DCDC1: variants seen among roughly 807,000 people sequenced by gnomAD.
DCDC1 encodes doublecortin domain containing 1.
Under a neutral mutation model 178.3 loss-of-function variants are expected in DCDC1, and 200 were observed. The ratio of observed to expected loss-of-function variants is 1.12; its 90% confidence interval spans 1.00 to 1.26. DCDC1 has a LOEUF of 1.26. Ranked by LOEUF, DCDC1 falls within the 50% of genes most tolerant of loss-of-function variation. DCDC1 has a pLI of 0.00. For missense variants in DCDC1, 1,983 were observed against 1,749.2 expected (o/e 1.13, Z -2.38); for synonymous variants, 690 against 604.8 (o/e 1.14, Z -2.07).
At chr11:30,944,846 TAC>T (rs1022502316) in intron 21 of DCDC1, among the ~76,000 whole-genome samples, 4 of 152,058 alleles carry the variant, frequency 2.6e-5, no homozygotes, top group African/African-American at 9.7e-5. Context: ...GTAATTTATC[TAC>T]TCCACACAAA....
intron 27 of DCDC1, among the ~76,000 whole-genome samples, chr11:30,913,454 T>A (rs1007088310): frequency 2.6e-5 from 4 of 152,062 alleles, no homozygotes; most frequent in African/African-American, 7.2e-5. Context: ...TGTCTGGGTG[T>A]CCCTAGAGGG....
intron 1 of DCDC1, among the ~76,000 whole-genome samples, chr11:31,365,114 C>G (rs1591875123): frequency 6.6e-6 from 1 of 152,116 alleles, no homozygotes; most frequent in African/African-American, 2.4e-5. Flanking sequence ...ATAAACTAAG[C>G]TTTTGACAGG....
chr11:31,253,337 T>C (rs1157572063), intron 8 of DCDC1, among the ~76,000 whole-genome samples: 2 of 151,814 alleles, frequency 1.3e-5, no homozygotes, highest in East Asian at 1.9e-4. Context: ...CCATCGTAGA[T>C]ATTAGGAGAG....
In DCDC1 at chr11:31,213,188, G is replaced by C. The variant is rs147860598; in HGVS notation, c.1221+28262C>G. Among the ~76,000 whole-genome samples the C allele has an allele frequency of 5.1e-3, 652 of 126,738 alleles. 6 individuals are homozygous for C. The highest frequency in any genetic ancestry group is 0.019 in the African/African-American group (610 of 32,522). The allele number at this position is 126,738 out of a possible 152,430, so 83.1% of individuals were successfully genotyped here. A position where few individuals can be genotyped will look rare whatever the true frequency, so the allele number is the denominator to read the frequency against. ...GCTTTCTTTACCAGGGCAGTGGTTT[G>C]CTGTCCTCCAAGAAAGGCATGTGGC... On this transcript the variant is annotated intron_variant, in intron 9 of 38. Transcript: ENST00000684477.
intron 20 of DCDC1, among the ~76,000 whole-genome samples, chr11:31,037,708 C>T (rs1267116185): frequency 6.6e-6 from 1 of 152,044 alleles, no homozygotes; most frequent in Admixed American, 6.5e-5. Context: ...CGTGATCCAC[C>T]CGCCTCGGCC....
At chr11:31,229,679 C>T (rs180743529) in intron 9 of DCDC1, among the ~76,000 whole-genome samples, 383 of 152,058 alleles carry the variant, frequency 2.5e-3, no homozygotes, top group Non-Finnish European at 4.4e-3. Flanking sequence ...GGCCAATGAC[C>T]AATTGGCATT....
intron 20 of DCDC1, among the ~76,000 whole-genome samples, chr11:31,053,983 A>C (rs1565225714): frequency 6.6e-6 from 1 of 152,172 alleles, no homozygotes; most frequent in Non-Finnish European, 1.5e-5. Flanking sequence ...GCAATCAGAC[A>C]AGAGAAATAA....
intron 20 of DCDC1, among the ~76,000 whole-genome samples, chr11:31,006,052 C>A (rs959346075): frequency 1.3e-5 from 2 of 149,816 alleles, no homozygotes. Context: ...GTTTCCATTT[C>A]AACCCTACAT....
intron 20 of DCDC1, among the ~76,000 whole-genome samples, chr11:31,060,313 T>C (rs1474429012): frequency 5.3e-5 from 8 of 152,206 alleles, no homozygotes; most frequent in African/African-American, 1.7e-4. Context: ...ATTTTATAAA[T>C]GAAGCTTTCA....
intron 36 of DCDC1, among the ~76,000 whole-genome samples, chr11:30,884,172 T>A (rs1477163723): frequency 6.6e-6 from 1 of 151,714 alleles, no homozygotes; most frequent in Non-Finnish European, 1.5e-5. Flanking sequence ...TATCTGGGAC[T>A]ACAGGCGTGC....
At chr11:31,140,468 A>AT (rs1963685335) in intron 9 of DCDC1, among the ~76,000 whole-genome samples, 1 of 152,214 alleles carries the variant, frequency 6.6e-6, no homozygotes, top group African/African-American at 2.4e-5. Flanking sequence ...CAAGCTAAAC[A>AT]GGAAGGTTTC....
chr11:31,220,977 A>C (rs953215721), intron 9 of DCDC1, among the ~76,000 whole-genome samples: 2 of 152,052 alleles, frequency 1.3e-5, no homozygotes, highest in African/African-American at 4.8e-5. Flanking sequence ...TCAAGGGCCT[A>C]CTCTTATGAC....
chr11:31,106,783 C>A lies in DCDC1; in HGVS notation c.1751+14G>T. Reference sequence around the variant, plus strand: ...GGAAAGATTGAGGACAGAAAACAAACCCCTTGCTCCTACCTGTATGCTCTA... The same window carrying A: ...GGAAAGATTGAGGACAGAAAACAAAACCCTTGCTCCTACCTGTATGCTCTA... On this transcript the variant is annotated intron_variant, in intron 13 of 38. Coordinates refer to ENST00000684477, the MANE Select transcript of DCDC1 (RefSeq NM_001387274.1). The A allele has an allele frequency of 1.3e-6, 1 of 764,930 alleles. No homozygotes were observed. The highest frequency in any genetic ancestry group is 1.7e-5 in the African/African-American group (1 of 59,092). The allele number at this position is 764,930 out of a possible 1,614,324, so 47.4% of individuals were successfully genotyped here. A position where few individuals can be genotyped will look rare whatever the true frequency, so the allele number is the denominator to read the frequency against.
chr11:31,346,663 T>C (rs1950832907), intron 1 of DCDC1, among the ~76,000 whole-genome samples: 1 of 152,142 alleles, frequency 6.6e-6, no homozygotes, highest in Non-Finnish European at 1.5e-5. Context: ...TATGAATAAA[T>C]GGTACTACCA....
In DCDC1 at chr11:31,116,848, C is replaced by A. The variant is rs1011713377; in HGVS notation, c.1486-6487G>T. On this transcript the variant is annotated intron_variant, in intron 11 of 38. Transcript: ENST00000684477. The stretch of plus-strand genomic sequence containing the variant: ...TACATAATTCTTAAACTTCATCAAT[C>A]TAAATGGTAACTGGACCAACAATCA... Among the ~76,000 whole-genome samples the A allele has an allele frequency of 4.6e-5, 7 of 152,186 alleles. No individual in the cohort carries two copies. In the East Asian group the frequency reaches 1.2e-3, roughly 25 times the overall value.
chr11:30,992,040 C>T (rs1226242446), intron 20 of DCDC1, among the ~76,000 whole-genome samples: 1 of 152,138 alleles, frequency 6.6e-6, no homozygotes, highest in East Asian at 1.9e-4. Context: ...GGTACGCTCC[C>T]TGTCTTTCTA....
At chr11:30,884,477 A>G (rs1942991434) in intron 36 of DCDC1, among the ~76,000 whole-genome samples, 1 of 152,206 alleles carries the variant, frequency 6.6e-6, no homozygotes, top group South Asian at 2.1e-4. Flanking sequence ...AATCACCATC[A>G]TGTGAATTTA....
chr11:31,170,820 T>C (rs1967116284), intron 9 of DCDC1, among the ~76,000 whole-genome samples: 2 of 152,070 alleles, frequency 1.3e-5, no homozygotes, highest in African/African-American at 2.4e-5. Context: ...TTTTTTATTT[T>C]ATTTTATTTT....
At chr11:31,026,504 CAT>C (rs1203734998) in intron 20 of DCDC1, among the ~76,000 whole-genome samples, 3 of 151,738 alleles carry the variant, frequency 2.0e-5, no homozygotes, top group Non-Finnish European at 3.0e-5. Flanking sequence ...TGTGACTACA[CAT>C]GAGAGAACCT....
Sources: allele counts gnomAD v4.1 joint callset (sites outside exome capture counted in the v4.1 genomes callset), GRCh38; gene constraint gnomAD v4.1.1; transcripts MANE v1.5; gene names NCBI Gene and HGNC (gene_info 2026-07-23, HGNC 2026-07-21).